The following DLGAP2 variants were observed in gnomAD, a reference collection of about 807,000 sequenced individuals.
The protein encoded by DLGAP2 is disks large-associated protein 2.
In DLGAP2, 26 loss-of-function variants were observed where a neutral mutation model predicts 100.3. The ratio of observed to expected loss-of-function variants is 0.26; its 90% confidence interval spans 0.19 to 0.36. The LOEUF is 0.36. Ranked by LOEUF, DLGAP2 falls within the 10% of genes least tolerant of loss-of-function variation. DLGAP2 has a pLI of 1.00. For missense variants in DLGAP2, 1,858 were observed against 1,453.2 expected, an observed-to-expected ratio of 1.28 and a Z score of -4.53; for synonymous variants, 886 against 630.1, an observed-to-expected ratio of 1.41 and a Z score of -6.08.
At chr8:793,950 C>T (rs1031158550) in intron 1 of DLGAP2, among the ~76,000 whole-genome samples, 25 of 152,110 alleles carry the variant, frequency 1.6e-4, no homozygotes, top group African/African-American at 4.8e-4. Context: ...GCCTGCCATA[C>T]GACTCCAGGC....
chr8:1,349,517 T>G (rs1801654036), intron 3 of DLGAP2, among the ~76,000 whole-genome samples: 5 of 138,120 alleles, frequency 3.6e-5, no homozygotes, highest in African/African-American at 1.4e-4. Context: ...GAAAGGGGTG[T>G]TTGAGGGGGA....
intron 2 of DLGAP2, among the ~76,000 whole-genome samples, chr8:1,084,459 C>T (rs1043169521): frequency 3.3e-5 from 5 of 152,176 alleles, no homozygotes; most frequent in Admixed American, 3.3e-4. Flanking sequence ...ACTCAGCATG[C>T]CGTGCTATTG....
chr8:987,617 A>G (rs899524708), intron 2 of DLGAP2, among the ~76,000 whole-genome samples: 29 of 152,176 alleles, frequency 1.9e-4, no homozygotes, highest in African/African-American at 6.7e-4. Context: ...ATTTGTCAAG[A>G]TCTTTAGCTT....
chr8:793,137 G>A (rs373260075), intron 1 of DLGAP2, among the ~76,000 whole-genome samples: 192 of 152,106 alleles, frequency 1.3e-3, no homozygotes, highest in African/African-American at 4.3e-3. Flanking sequence ...ATTTTTATTC[G>A]CTTTTCATTT....
intron 4 of DLGAP2, among the ~76,000 whole-genome samples, chr8:1,511,833 C>T (rs760832532): frequency 6.0e-5 from 3 of 50,254 alleles, no homozygotes; most frequent in Non-Finnish European, 1.6e-4. Context: ...TAGTGTAAGA[C>T]AATCAGTAGG....
At chr8:1,538,633 G>T (rs1051687794) in intron 4 of DLGAP2, among the ~76,000 whole-genome samples, 1 of 152,104 alleles carries the variant, frequency 6.6e-6, no homozygotes. Flanking sequence ...CATGCTCACC[G>T]CTTGCTTTCT....
chr8:1,420,809 A>G (rs776460699), intron 3 of DLGAP2, among the ~76,000 whole-genome samples: 12 of 152,134 alleles, frequency 7.9e-5, no homozygotes, highest in Non-Finnish European at 1.6e-4. Flanking sequence ...TCCCATAATC[A>G]TCCAGATTTA....
At chr8:1,444,771 C>CTTTTTTTTTTT (rs914045708) in intron 3 of DLGAP2, among the ~76,000 whole-genome samples, 3 of 79,852 alleles carry the variant, frequency 3.8e-5, no homozygotes, top group Admixed American at 1.7e-4. Context: ...CCAGGTCATT[C>CTTTTTTTTTTT]TTTTTTTTTT....
At position 1,678,251 on chromosome 8, in the gene DLGAP2, G is replaced by A. The variant is rs1283667939; in HGVS notation, c.2326G>A (p.Ala776Thr). The A allele has an allele frequency of 5.6e-6, 9 of 1,613,562 alleles. No homozygotes were observed. Among genetic ancestry groups the A allele is most frequent in the Middle Eastern group, 1.6e-4 (1 of 6,062 alleles). ...TAAACGTTCTAACAGCGTCACGGCC[G>A]CCGTCCAAGCTGACCTGGAGCTGGA... is the stretch of plus-strand genomic sequence containing the variant. ...RFKRSNSVTA[A>T]VQADLELEGF... The change falls in exon 12 of 15, where the codon GCC (alanine) becomes ACC (threonine). Residue 776 changes from alanine to threonine, a missense_variant. By Grantham distance (58) the Ala-to-Thr change is moderately conservative. Transcript: ENST00000637795.
chr8:897,305 T>C (rs1298014741), intron 1 of DLGAP2, among the ~76,000 whole-genome samples: 1 of 152,180 alleles, frequency 6.6e-6, no homozygotes, highest in African/African-American at 2.4e-5. Context: ...CTAGTCTGGG[T>C]TTGCTGGATG....
intron 2 of DLGAP2, among the ~76,000 whole-genome samples, chr8:1,240,978 G>GTT (rs1563274276): frequency 1.2e-4 from 1 of 8,650 alleles, no homozygotes; most frequent in Non-Finnish European, 2.9e-4. Context: ...GCCGTGTCTA[G>GTT]TTCTCTCACA....
chr8:1,012,692 C>T (rs547158366), intron 2 of DLGAP2, among the ~76,000 whole-genome samples: 1 of 121,112 alleles, frequency 8.3e-6, no homozygotes, highest in African/African-American at 3.2e-5. Flanking sequence ...TCCGACCAGT[C>T]CCCCCTACTT....
chr8:1,529,931 G>T (rs192988381), intron 4 of DLGAP2, among the ~76,000 whole-genome samples: 105 of 152,296 alleles, frequency 6.9e-4, no homozygotes, highest in African/African-American at 2.5e-3. Flanking sequence ...GGGAGTGTGC[G>T]AATAGGTGTG....
intron 6 of DLGAP2, among the ~76,000 whole-genome samples, chr8:1,617,614 C>A (rs952566938): frequency 6.6e-6 from 1 of 152,116 alleles, no homozygotes; most frequent in South Asian, 2.1e-4. Context: ...GGGTATTAGA[C>A]CTTTGTTGGA....
At chr8:1,595,168 G>C in intron 6 of DLGAP2, among the ~76,000 whole-genome samples, 1 of 151,992 alleles carries the variant, frequency 6.6e-6, no homozygotes, top group East Asian at 1.9e-4. Flanking sequence ...AACCTCCCGA[G>C]TGGCTGGTAT....
chr8:812,759 C>G (rs1263813766), intron 1 of DLGAP2, among the ~76,000 whole-genome samples: 2 of 152,142 alleles, frequency 1.3e-5, no homozygotes, highest in Non-Finnish European at 2.9e-5. Flanking sequence ...CATACAGGAG[C>G]TAAGTGTTTA....
At chr8:1,122,937 C>T (rs978897684) in intron 2 of DLGAP2, among the ~76,000 whole-genome samples, 5 of 152,166 alleles carry the variant, frequency 3.3e-5, no homozygotes, top group African/African-American at 1.2e-4. Context: ...TTAAGAACCT[C>T]ACACAACAGG....
chr8:866,927 G>A (rs1797509270), intron 1 of DLGAP2, among the ~76,000 whole-genome samples: 1 of 152,154 alleles, frequency 6.6e-6, no homozygotes. Flanking sequence ...CACGTTCCCA[G>A]GGTCTGGAGA....
rs1052713463 is a variant in DLGAP2, at chr8:1,273,606, A to T, written c.106+14723A>T. Among the ~76,000 whole-genome samples the T allele has an allele frequency of 2.6e-5, 4 of 152,194 alleles. No individual in the cohort carries two copies. The South Asian group carries it at 8.3e-4, about 32-fold the overall frequency. ...CTTTATCATGTGCAGAGGCAGCTCC[A>T]TCCTTCCCAGTAGCCCCTGGCTCTG... On this transcript the variant is annotated intron_variant, in intron 3 of 14. Transcript: ENST00000637795.
Sources: allele counts gnomAD v4.1 joint callset (sites outside exome capture counted in the v4.1 genomes callset), GRCh38; gene constraint gnomAD v4.1.1; transcripts MANE v1.5; gene names NCBI Gene and HGNC (gene_info 2026-07-23, HGNC 2026-07-21).